Variants in DNAJC2 observed in about 807,000 individuals in gnomAD.
DNAJC2 encodes DnaJ heat shock protein family (Hsp40) member C2.
Under a neutral mutation model 94.0 loss-of-function variants are expected in DNAJC2, and 32 were observed. That is an observed-to-expected ratio of 0.34 (90% CI 0.26 to 0.46). The LOEUF (loss-of-function observed/expected upper bound fraction) is 0.46. Ranked by LOEUF, DNAJC2 falls within the 20% of genes least tolerant of loss-of-function variation. The pLI is 1.00. For missense variants in DNAJC2, 550 were observed against 719.5 expected (o/e 0.76, Z 2.69); for synonymous variants, 210 against 229.7 (o/e 0.91, Z 0.77).
At position 103,324,545 on chromosome 7, in the gene DNAJC2, T is replaced by A. The variant is rs772726513; in HGVS notation, c.590A>T (p.Asn197Ile). The A allele has an allele frequency of 6.9e-7, 1 of 1,459,366 alleles. No homozygotes were observed. The highest frequency in any genetic ancestry group is 1.3e-5 in the South Asian group (1 of 74,544). The allele number at this position is 1,459,366 out of a possible 1,614,324, so 90.4% of individuals were successfully genotyped here. Residue 197 changes from asparagine to isoleucine, a missense_variant, in exon 6 of 17, where the codon AAT becomes ATT. By Grantham distance (149) the Asn-to-Ile change is moderately radical (BLOSUM62 -3). Coordinates refer to ENST00000379263, the MANE Select transcript of DNAJC2 (RefSeq NM_014377.3). ...ERNSRWSNKK[N>I]VPKLGDMNSS... The stretch of plus-strand genomic sequence containing the variant: ...ATTCATATCACCAAGTTTAGGAACA[T>A]TTTTTTTATTTGACCATCTGAAATA...
At chr7:103,321,027 G>A (rs1036276038) in intron 10 of DNAJC2, among the ~76,000 whole-genome samples, 5 of 151,556 alleles carry the variant, frequency 3.3e-5, no homozygotes, top group Admixed American at 2.0e-4. Context: ...GTGAAACCCC[G>A]TCTCTACTAA....
In DNAJC2 at chr7:103,337,785, T is replaced by C. The variant is rs1819232158; in HGVS notation, c.282A>G (p.Gly94=). The change falls in exon 3 of 17, where the codon GGA becomes GGG. Residue 94 remains glycine (G), a synonymous_variant. Transcript: ENST00000379263. ...TAGCCTTGTATCTCACATGGCCAAG[T>C]CCAAGAACTGCATAATGATCTTGGT... ...WKNQDHYAVL[G]LGHVRYKATQ... The C allele has an allele frequency of 6.2e-7, 1 of 1,613,558 alleles. No homozygotes were observed. The highest frequency in any genetic ancestry group is 8.5e-7 in the Non-Finnish European group (1 of 1,179,908).
At chr7:103,339,974 G>A (rs756949471) in intron 2 of DNAJC2, among the ~76,000 whole-genome samples, 3 of 152,158 alleles carry the variant, frequency 2.0e-5, no homozygotes, top group African/African-American at 7.2e-5. Context: ...AAGTAGCTGC[G>A]ATTACAGGCA....
At chr7:103,344,535 A>G (rs763214088) in intron 1 of DNAJC2, 24 bp downstream of exon 1, 7 of 1,613,634 alleles carry the variant, frequency 4.3e-6, no homozygotes, top group Admixed American at 1.7e-5. Context: ...GGTGAGAAGG[A>G]ACCGAGGTTG....
Position 103,316,107 on chromosome 7 carries a change from C to G in DNAJC2, c.1428-19G>C. The G allele has an allele frequency of 1.4e-6, 2 of 1,425,784 alleles. No homozygotes were observed. Among genetic ancestry groups the G allele is most frequent in the Non-Finnish European group, 9.6e-7 (1 of 1,041,224 alleles). 88.3% of individuals were successfully genotyped at this position (1,425,784 alleles called of 1,614,324 possible). On this transcript the variant is annotated intron_variant, in intron 13 of 16. Coordinates refer to ENST00000379263, the MANE Select transcript of DNAJC2 (RefSeq NM_014377.3). The stretch of plus-strand genomic sequence containing the variant: ...TTCCCATCTGATAGGATATATTATA[C>G]AATAATATGAATAGTAGTAAGGAAA...
At chr7:103,314,253 G>C (rs539327109) in intron 15 of DNAJC2, 2 of 985,264 alleles carry the variant, frequency 2.0e-6, no homozygotes, top group Non-Finnish European at 2.4e-6. Context: ...ATTTCCTGCT[G>C]TTCTCCAGTT....
At chr7:103,326,168 G>T (rs1818695106) in intron 5 of DNAJC2, among the ~76,000 whole-genome samples, 1 of 151,948 alleles carries the variant, frequency 6.6e-6, no homozygotes, top group African/African-American at 2.4e-5. Context: ...AGTAGAGACA[G>T]GGTTTCACCA....
At chr7:103,342,781 T>G (rs1408276864) in intron 1 of DNAJC2, among the ~76,000 whole-genome samples, 1 of 151,368 alleles carries the variant, frequency 6.6e-6, no homozygotes, top group Admixed American at 6.6e-5. Flanking sequence ...GCTAATTTTT[T>G]GCATTTTTAG....
At chr7:103,331,670 A>G (rs1052200412) in intron 3 of DNAJC2, among the ~76,000 whole-genome samples, 2 of 152,188 alleles carry the variant, frequency 1.3e-5, no homozygotes, top group African/African-American at 2.4e-5. Context: ...AGTTCCATCT[A>G]TATTTCTGCA....
chr7:103,317,706 A>G (rs1262498946), intron 12 of DNAJC2, among the ~76,000 whole-genome samples: 1 of 152,044 alleles, frequency 6.6e-6, no homozygotes, highest in African/African-American at 2.4e-5. Context: ...GCTGGAGTGC[A>G]GTGGTGTGAT....
At chr7:103,313,985 T>G in intron 15 of DNAJC2, 1 of 985,400 alleles carries the variant, frequency 1.0e-6, no homozygotes, top group South Asian at 4.7e-5. Context: ...TGTTAAAAGT[T>G]AAGCCTAGAA....
intron 15 of DNAJC2, chr7:103,313,761 T>C: frequency 1.0e-6 from 1 of 985,092 alleles, no homozygotes. Context: ...AGAAAACATC[T>C]AAGATGTGTG....
intron 2 of DNAJC2, 64 bp from the exon 3 acceptor site, chr7:103,337,875 T>A: frequency 6.0e-6 from 7 of 1,171,288 alleles, no homozygotes; most frequent in Non-Finnish European, 8.8e-6. Flanking sequence ...ATCCCTTGTG[T>A]TCTGGTACCT....
rs1422948088 is a variant in DNAJC2, at chr7:103,319,684, G to C, written c.1173-6C>G. 6.9e-6 allele frequency: 11 copies of C among 1,597,744 alleles called. No homozygotes were observed. Among genetic ancestry groups the C allele is most frequent in the Non-Finnish European group, 9.4e-6 (11 of 1,170,080 alleles). On this transcript the variant is annotated splice_region_variant and splice_polypyrimidine_tract_variant and intron_variant, in intron 11 of 16. Coordinates refer to ENST00000379263, the MANE Select transcript of DNAJC2 (RefSeq NM_014377.3). ...TTTCATTCAAGCACTGTAAGCTAAA[G>C]AAAAAAAAAGAAGAAATGAAACTTT...
At chr7:103,312,777 C>T in intron 16 of DNAJC2, 134 bp from the exon 17 acceptor site, 1 of 1,510,756 alleles carries the variant, frequency 6.6e-7, no homozygotes, top group East Asian at 2.3e-5. Context: ...TCTGCCAGGG[C>T]CTAGAAAGTT....
At chr7:103,320,182 G>A (rs552124505) in intron 10 of DNAJC2, among the ~76,000 whole-genome samples, 18 of 152,144 alleles carry the variant, frequency 1.2e-4, no homozygotes, top group Admixed American at 6.5e-4. Context: ...TCCACCTCCC[G>A]GGTTCAAGCT....
intron 12 of DNAJC2, among the ~76,000 whole-genome samples, chr7:103,318,703 T>C (rs1317656255): frequency 1.3e-5 from 2 of 152,226 alleles, no homozygotes; most frequent in South Asian, 4.1e-4. Flanking sequence ...TTTTCTTATC[T>C]GTAAAATAAA....
At chr7:103,312,920 C>T (rs1817834901) in intron 16 of DNAJC2, 27 bp downstream of exon 16, 8 of 1,591,276 alleles carry the variant, frequency 5.0e-6, no homozygotes, top group Non-Finnish European at 8.5e-7. Context: ...TAAAATACAA[C>T]AATCTATAAA....
At chr7:103,322,967 T>C (rs1818501331) in intron 7 of DNAJC2, among the ~76,000 whole-genome samples, 173 bp from the exon 8 acceptor site, 1 of 152,124 alleles carries the variant, frequency 6.6e-6, no homozygotes, top group African/African-American at 2.4e-5. Context: ...TTTGCTCTTG[T>C]CGCCCAGGCT....
Sources: gnomAD v4.1 joint callset for allele counts (sites outside exome capture counted in the v4.1 genomes callset) on GRCh38, gnomAD v4.1.1 for gene constraint, MANE v1.5 for transcripts, NCBI Gene and HGNC (gene_info 2026-07-23, HGNC 2026-07-21) for gene names.